WNK2: variants seen among roughly 807,000 people sequenced by gnomAD.
WNK2 encodes WNK lysine deficient protein kinase 2.
In WNK2, 67 loss-of-function variants were observed where a neutral mutation model predicts 192.1. The ratio of observed to expected loss-of-function variants is 0.35; its 90% CI spans 0.29 to 0.43. The LOEUF is 0.43. Among genes scored for constraint, WNK2 ranks in the 20% least tolerant of loss-of-function variants. The probability of loss-of-function intolerance (pLI) is 1.00; values close to 1 mark genes in which losing one functional copy is unlikely to be tolerated. For synonymous variants in WNK2, 1,439 were observed against 1,393.9 expected, an observed-to-expected ratio of 1.03 and a Z score of -0.72; for missense variants, 2,698 against 3,089.7, an observed-to-expected ratio of 0.87 and a Z score of 3.01.
chr9:93,295,811 T>C (rs1294849836), intron 23 of WNK2, among the ~76,000 whole-genome samples: 3 of 112,644 alleles, frequency 2.7e-5, no homozygotes, highest in African/African-American at 6.9e-5. Context: ...TTCCCCTCAC[T>C]TTCCTCCCCT....
rs1853119909 is a variant in WNK2, at chr9:93,308,907, T to C, written c.6516+323T>C. 4.2e-6 allele frequency: 5 copies of C among 1,188,682 alleles called. No homozygotes were observed. The South Asian group carries it at 1.3e-4, about 31-fold the overall frequency. 73.6% of individuals were successfully genotyped at this position (1,188,682 alleles called of 1,614,324 possible). ...CCGCACTCAGAGCAGGTAGCCCTGG[T>C]CTTGGCAGACAGGCCCACCTCTGCC... On this transcript the variant is annotated intron_variant, in intron 28 of 29. Transcript: ENST00000427277.
Position 93,289,133 on chromosome 9 carries a change from C to T in WNK2, c.4379C>T (p.Pro1460Leu), listed in dbSNP as rs754198927. Residue 1460 changes from proline (P) to leucine (L), a missense_variant, in exon 20 of 30, where the codon CCA becomes CTA. Pro to Leu is a moderately conservative substitution (Grantham distance 98, BLOSUM62 -3). Coordinates refer to ENST00000427277, the MANE Select transcript of WNK2 (RefSeq NM_006648.4). ...VVGLAPCTPA[P>L]EAASTRDASA... The stretch of plus-strand genomic sequence containing the variant: ...GGCCTAGCACCTTGCACTCCAGCTC[C>T]AGAGGCTGCCTCAACCAGGGACGCC... The T allele has an allele frequency of 1.0e-5, 16 of 1,602,072 alleles. No homozygotes were observed. The East Asian group carries it at 2.5e-4, about 25-fold the overall frequency.
chr9:93,230,805 C>T, intron 3 of WNK2, 83 bp from the exon 4 acceptor site: 1 of 1,253,130 alleles, frequency 8.0e-7, no homozygotes, highest in Non-Finnish European at 1.1e-6. Context: ...TTGTACCAGG[C>T]CTAAGCAGTG....
intron 2 of WNK2, among the ~76,000 whole-genome samples, chr9:93,207,251 T>C (rs1833563415): frequency 6.6e-6 from 1 of 152,180 alleles, no homozygotes; most frequent in African/African-American, 2.4e-5. Flanking sequence ...TATCAGGATC[T>C]CCCATATATC....
At position 93,259,112 on chromosome 9, in the gene WNK2, C is replaced by T; in HGVS notation, c.2564C>T (p.Pro855Leu). 6.2e-7 allele frequency: 1 copy of T among 1,612,438 alleles called. No homozygotes were observed. Among genetic ancestry groups the T allele is most frequent in the Non-Finnish European group, 8.5e-7 (1 of 1,179,432 alleles). The change falls in exon 12 of 30, where the codon CCT (proline) becomes CTT (leucine). Residue 855 changes from proline (P) to leucine (L), a missense_variant. Coordinates refer to ENST00000427277, the MANE Select transcript of WNK2 (RefSeq NM_006648.4). This position sits in a 1 kb window ranked among gnomAD's most constrained non-coding sequence, Gnocchi z 4.8. ...APLPPASPAL[P>L]LQAVKLPHPP... ...CTCCCCCCTGCGTCCCCAGCCTTGC[C>T]TCTGCAGGCTGTGAAGCTGCCCCAC...
At chr9:93,196,094 G>A (rs1241644686) in intron 2 of WNK2, among the ~76,000 whole-genome samples, 7 of 152,184 alleles carry the variant, frequency 4.6e-5, no homozygotes, top group Admixed American at 2.6e-4. Flanking sequence ...TGAAGGGTGC[G>A]AGGGGGAAGG....
Position 93,299,191 on chromosome 9 carries a change from C to A in WNK2, c.6045C>A (p.Ser2015=). The change falls in exon 25 of 30, where the codon TCC becomes TCA. Residue 2015 remains serine (S), a synonymous_variant. Coordinates refer to ENST00000427277, the MANE Select transcript of WNK2 (RefSeq NM_006648.4). ...GKAVQTQQPC[S]VRASLSSDIC... ...CAGTGCAGACCCAGCAGCCCTGCTC[C>A]GTCCGGGCCTCCCTGTCTTCGGACA... The A allele has an allele frequency of 6.2e-7, 1 of 1,604,508 alleles. No homozygotes were observed. The highest frequency in any genetic ancestry group is 8.5e-7 in the Non-Finnish European group (1 of 1,173,704).
At chr9:93,215,983 G>A (rs10992681) in intron 2 of WNK2, among the ~76,000 whole-genome samples, 19,972 of 152,238 alleles carry the variant, frequency 0.13, 1,409 homozygotes, top group South Asian at 0.29. Context: ...CTAGTAGGCA[G>A]CAGAATAAGA....
intron 2 of WNK2, among the ~76,000 whole-genome samples, chr9:93,218,148 C>G (rs1273578575): frequency 1.3e-5 from 2 of 152,154 alleles, no homozygotes; most frequent in African/African-American, 2.4e-5. Flanking sequence ...GGGGGCAGGG[C>G]AGCCGCAGGA....
At chr9:93,238,571 G>A (rs150567910) in intron 6 of WNK2, among the ~76,000 whole-genome samples, 174 of 152,316 alleles carry the variant, frequency 1.1e-3, no homozygotes, top group Non-Finnish European at 1.2e-3. Context: ...TTTGGGGACA[G>A]CCCCCTCCTT....
intron 28 of WNK2, among the ~76,000 whole-genome samples, chr9:93,311,101 C>G (rs1483747371): frequency 1.3e-5 from 2 of 152,174 alleles, no homozygotes; most frequent in African/African-American, 2.4e-5. Flanking sequence ...TTCCATTCTG[C>G]TTCTGGTCTC....
At chr9:93,273,778 A>G (rs898540986) in intron 19 of WNK2, among the ~76,000 whole-genome samples, 2 of 152,248 alleles carry the variant, frequency 1.3e-5, no homozygotes, top group Non-Finnish European at 2.9e-5. Context: ...AACAAATTTA[A>G]AAGTATTGAA....
Position 93,202,292 on chromosome 9 carries a change from G to A in WNK2, c.681+16682G>A, listed in dbSNP as rs138154129. ...CCTGCTGCGTGTGGGGACCTGGTAT[G>A]CTTCTCAGGGCCTCTGCTGGGCTCC... On this transcript the variant is annotated intron_variant, in intron 2 of 29. Coordinates refer to ENST00000427277, the MANE Select transcript of WNK2 (RefSeq NM_006648.4). Among the ~76,000 whole-genome samples, 22 of 152,070 alleles carry A rather than the reference G, an allele frequency of 1.4e-4. No homozygotes were observed. The East Asian group carries it at 4.3e-3, about 29-fold the overall frequency.
At chr9:93,297,381 G>A (rs1007005404) in intron 23 of WNK2, among the ~76,000 whole-genome samples, 7 of 152,180 alleles carry the variant, frequency 4.6e-5, no homozygotes, top group Non-Finnish European at 1.0e-4. Flanking sequence ...GTCAGTGAGC[G>A]TCTCGCTGAC....
chr9:93,306,913 C>T (rs759723690), intron 27 of WNK2, 92 bp downstream of exon 27: 52 of 1,534,074 alleles, frequency 3.4e-5, no homozygotes, highest in Non-Finnish European at 4.2e-5. Context: ...GCCGGGCGGG[C>T]GTGGGCCTGC....
intron 19 of WNK2, among the ~76,000 whole-genome samples, chr9:93,273,650 A>G (rs1379286095): frequency 6.6e-6 from 1 of 152,228 alleles, no homozygotes; most frequent in Non-Finnish European, 1.5e-5. Flanking sequence ...AGAAGATCTG[A>G]AAACACTATC....
At chr9:93,204,196 A>G (rs1832968938) in intron 2 of WNK2, among the ~76,000 whole-genome samples, 1 of 152,024 alleles carries the variant, frequency 6.6e-6, no homozygotes, top group African/African-American at 2.4e-5. Context: ...AGTATATGAA[A>G]ACCGTTCAGA....
At chr9:93,192,582 C>T (rs1830531357) in intron 2 of WNK2, among the ~76,000 whole-genome samples, 1 of 151,876 alleles carries the variant, frequency 6.6e-6, no homozygotes, top group South Asian at 2.1e-4. Context: ...GACTGTGTCT[C>T]GGGGGGCCAA....
intron 7 of WNK2, among the ~76,000 whole-genome samples, chr9:93,241,239 A>C (rs992567582): frequency 1.3e-5 from 2 of 152,250 alleles, no homozygotes; most frequent in Non-Finnish European, 2.9e-5. Flanking sequence ...AAGGACAGGA[A>C]TGTCTGCACC....
Sources: allele counts gnomAD v4.1 joint callset (sites outside exome capture counted in the v4.1 genomes callset), GRCh38; gene constraint gnomAD v4.1.1; non-coding constraint Gnocchi (gnomAD v3.1); transcripts MANE v1.5; gene names NCBI Gene and HGNC (gene_info 2026-07-23, HGNC 2026-07-21).